Variants in ZNRF3 observed in about 807,000 individuals in gnomAD.
ZNRF3 encodes the protein zinc and ring finger 3, also known as E3 ubiquitin-protein ligase ZNRF3.
ZNRF3 carries 23 observed loss-of-function variants against 72.5 expected under a neutral mutation model. The observed-to-expected ratio is 0.32, with a 90% CI of 0.23 to 0.45. The LOEUF (loss-of-function observed/expected upper bound fraction) is 0.45, where lower values mean the gene tolerates loss of function less well. Among genes scored for constraint, ZNRF3 ranks in the 20% least tolerant of loss-of-function variants. The pLI, the probability that ZNRF3 is intolerant of heterozygous loss-of-function variation, is 1.00. For missense variants in ZNRF3, 1,169 were observed against 1,272.1 expected (o/e 0.92, Z 1.23); for synonymous variants, 610 against 545.3 (o/e 1.12, Z -1.65).
chr22:28,946,447 T>A (rs1006742069), intron 1 of ZNRF3, among the ~76,000 whole-genome samples: 2 of 152,256 alleles, frequency 1.3e-5, no homozygotes, highest in Non-Finnish European at 2.9e-5. Context: ...AGTACAATAA[T>A]GTGTCATCCT....
chr22:28,890,556 A>G (rs1218555925), intron 1 of ZNRF3, among the ~76,000 whole-genome samples: 1 of 152,190 alleles, frequency 6.6e-6, no homozygotes, highest in Non-Finnish European at 1.5e-5. Context: ...AAGGCAGGGT[A>G]CCTGGCATAA....
intron 1 of ZNRF3, among the ~76,000 whole-genome samples, chr22:28,907,626 C>T (rs1039488610): frequency 6.6e-6 from 1 of 152,196 alleles, no homozygotes; most frequent in Non-Finnish European, 1.5e-5. Context: ...GATTTGATTA[C>T]TGGTACTAGC....
At chr22:28,915,388 C>T (rs1569244282) in intron 1 of ZNRF3, among the ~76,000 whole-genome samples, 1 of 152,186 alleles carries the variant, frequency 6.6e-6, no homozygotes, top group East Asian at 1.9e-4. Flanking sequence ...AACTTGGTCA[C>T]CTCTTTATAG....
At chr22:28,900,915 G>C (rs2034089625) in intron 1 of ZNRF3, among the ~76,000 whole-genome samples, 1 of 152,044 alleles carries the variant, frequency 6.6e-6, no homozygotes, top group African/African-American at 2.4e-5. Context: ...AGACCAGCTT[G>C]GGCGACATAG....
At chr22:28,939,124 A>G (rs951815663) in intron 1 of ZNRF3, among the ~76,000 whole-genome samples, 1 of 152,186 alleles carries the variant, frequency 6.6e-6, no homozygotes, top group Non-Finnish European at 1.5e-5. Flanking sequence ...GTCTTTACTA[A>G]TAATACCAAA....
chr22:28,913,203 A>T (rs1259395932), intron 1 of ZNRF3, among the ~76,000 whole-genome samples: 1 of 152,218 alleles, frequency 6.6e-6, no homozygotes, highest in Non-Finnish European at 1.5e-5. Flanking sequence ...TTCTATGAGG[A>T]TCTATGCTAT....
chr22:28,939,846 C>CCTT (rs1482351275), intron 1 of ZNRF3, among the ~76,000 whole-genome samples: 1 of 152,124 alleles, frequency 6.6e-6, no homozygotes, highest in Admixed American at 6.5e-5. Context: ...TTCCAACCAT[C>CCTT]CTTCCCCCAC....
intron 1 of ZNRF3, among the ~76,000 whole-genome samples, chr22:28,951,155 A>G (rs144492047): frequency 6.6e-6 from 1 of 152,296 alleles, no homozygotes; most frequent in African/African-American, 2.4e-5. Context: ...GAAAATGCTA[A>G]TATCTTCTTA....
At chr22:29,018,866 C>G (rs542379045) in intron 2 of ZNRF3, among the ~76,000 whole-genome samples, 1 of 151,788 alleles carries the variant, frequency 6.6e-6, no homozygotes, top group African/African-American at 2.4e-5. Flanking sequence ...AACATAGCAC[C>G]CTAAAAACAA....
At chr22:29,011,126 C>T (rs1325599192) in intron 2 of ZNRF3, among the ~76,000 whole-genome samples, 1 of 152,166 alleles carries the variant, frequency 6.6e-6, no homozygotes, top group Non-Finnish European at 1.5e-5. Context: ...AACATATCTT[C>T]CTACTCAGCC....
At chr22:28,989,295 T>G (rs1324773311) in intron 2 of ZNRF3, among the ~76,000 whole-genome samples, 1 of 152,172 alleles carries the variant, frequency 6.6e-6, no homozygotes, top group Non-Finnish European at 1.5e-5. Context: ...AAGACAGTTT[T>G]GCATTTGTTT....
In ZNRF3 at chr22:28,992,589, G is replaced by A. The variant is rs190136281; in HGVS notation, c.426+5388G>A. The A allele has an allele frequency of 4.6e-5, 7 of 152,324 alleles. No homozygotes were observed. In the East Asian group the frequency reaches 1.4e-3, roughly 29 times the overall value. 9.4% of individuals were successfully genotyped at this position (152,324 alleles called of 1,614,324 possible). A position where few individuals can be genotyped will look rare whatever the true frequency, so the allele number is the denominator to read the frequency against. On this transcript the variant is annotated intron_variant, in intron 2 of 8. Coordinates refer to ENST00000544604, the MANE Select transcript of ZNRF3 (RefSeq NM_001206998.2). ...GGATCAGGGGCTCACACTTAGGCTA[G>A]TCAGCTGTACCCTGGGGGCTGTCCT...
At chr22:29,015,036 A>C (rs1233359577) in intron 2 of ZNRF3, among the ~76,000 whole-genome samples, 1 of 152,176 alleles carries the variant, frequency 6.6e-6, no homozygotes, top group Non-Finnish European at 1.5e-5. Flanking sequence ...GTCACTTTCT[A>C]ACCCATCAAA....
At chr22:28,951,230 T>TC (rs1041540282) in intron 1 of ZNRF3, among the ~76,000 whole-genome samples, 1 of 152,094 alleles carries the variant, frequency 6.6e-6, no homozygotes, top group South Asian at 2.1e-4. Context: ...TTGAATTGTG[T>TC]CCCCCCAAAT....
At chr22:28,998,588 A>G (rs1327135549) in intron 2 of ZNRF3, among the ~76,000 whole-genome samples, 3 of 152,234 alleles carry the variant, frequency 2.0e-5, no homozygotes, top group African/African-American at 7.2e-5. Context: ...CTCAGGGAAT[A>G]CAAGTTTTCT....
chr22:28,933,732 A>T (rs1033584853), intron 1 of ZNRF3, among the ~76,000 whole-genome samples: 2 of 13,466 alleles, frequency 1.5e-4, no homozygotes, highest in Non-Finnish European at 2.6e-4. Flanking sequence ...CACCCCCCCC[A>T]CACACACACA....
chr22:28,949,428 T>C (rs536326978), intron 1 of ZNRF3, among the ~76,000 whole-genome samples: 1 of 152,174 alleles, frequency 6.6e-6, no homozygotes, highest in East Asian at 1.9e-4. Context: ...TGCATGCCAC[T>C]GTGACCAGCT....
In ZNRF3 at chr22:29,053,561, G is replaced by T. The variant is rs768768885; in HGVS notation, c.2768-18G>T. The T allele has an allele frequency of 7.5e-6, 12 of 1,610,274 alleles. No individual in the cohort carries two copies. Among genetic ancestry groups the T allele is most frequent in the Non-Finnish European group, 1.0e-5 (12 of 1,178,432 alleles). On this transcript the variant is annotated intron_variant, in intron 8 of 8. Coordinates refer to ENST00000544604, the MANE Select transcript of ZNRF3 (RefSeq NM_001206998.2). ...GTGCCAGCTCCCTCCCCTGATGATT[G>T]TTCTCTCTCTTTCCCAGGACCGAGA...
chr22:28,915,678 C>T (rs1341549306), intron 1 of ZNRF3, among the ~76,000 whole-genome samples: 11 of 152,146 alleles, frequency 7.2e-5, no homozygotes, highest in Admixed American at 2.0e-4. Context: ...TTGGACTACC[C>T]GTGATATTAT....
Sources: allele counts gnomAD v4.1 joint callset (sites outside exome capture counted in the v4.1 genomes callset), GRCh38; gene constraint gnomAD v4.1.1; transcripts MANE v1.5; gene names NCBI Gene and HGNC (gene_info 2026-07-23, HGNC 2026-07-21).